The following TCF7L2 variants were observed in gnomAD, a reference collection of about 807,000 sequenced individuals.
The protein encoded by TCF7L2 is transcription factor 7-like 2.
TCF7L2 carries 23 observed loss-of-function variants against 77.9 expected under a neutral mutation model. That is an observed-to-expected ratio of 0.30 (90% CI 0.21 to 0.42). The LOEUF is 0.42. Ranked by LOEUF, TCF7L2 falls within the 10% of genes least tolerant of loss-of-function variation. The pLI, the probability that TCF7L2 is intolerant of heterozygous loss-of-function variation, is 1.00. For missense variants in TCF7L2, 654 were observed against 793.1 expected (o/e 0.82, Z 2.11); for synonymous variants, 413 against 340.2 (o/e 1.21, Z -2.36).
intron 4 of TCF7L2, among the ~76,000 whole-genome samples, chr10:112,967,457 C>T (rs1009244418): frequency 3.3e-5 from 5 of 152,020 alleles, no homozygotes; most frequent in African/African-American, 1.2e-4. Flanking sequence ...TTGGGTGATT[C>T]TATAGACACG....
chr10:112,951,180 C>T (rs2030996087), intron 1 of TCF7L2, 27 bp from the exon 2 acceptor site: 2 of 1,572,852 alleles, frequency 1.3e-6, no homozygotes, highest in South Asian at 1.2e-5. Context: ...TGCCCCTCGC[C>T]CTCCCCACCT....
chr10:113,154,399 G>GA (rs2071411838), intron 11 of TCF7L2, among the ~76,000 whole-genome samples: 1 of 152,150 alleles, frequency 6.6e-6, no homozygotes, highest in Non-Finnish European at 1.5e-5. Context: ...TGATACCACA[G>GA]AGCGGAATTC....
At chr10:113,049,027 C>T (rs557067413) in intron 5 of TCF7L2, among the ~76,000 whole-genome samples, 1 of 152,002 alleles carries the variant, frequency 6.6e-6, no homozygotes, top group Admixed American at 6.5e-5. Flanking sequence ...GAAACTAAGG[C>T]GTGAGGGACT....
chr10:113,083,368 T>A (rs1275169636), intron 5 of TCF7L2, among the ~76,000 whole-genome samples: 1 of 150,030 alleles, frequency 6.7e-6, no homozygotes, highest in African/African-American at 2.5e-5. Context: ...TAAAAAAAAA[T>A]AATAATGAGA....
chr10:113,042,546 T>C (rs1590901120), intron 5 of TCF7L2, among the ~76,000 whole-genome samples: 2 of 152,194 alleles, frequency 1.3e-5, no homozygotes, highest in South Asian at 4.1e-4. Context: ...ATGGTGACTT[T>C]GGTTCTATGA....
At chr10:113,124,006 T>A (rs1406003623) in intron 5 of TCF7L2, among the ~76,000 whole-genome samples, 3 of 152,184 alleles carry the variant, frequency 2.0e-5, no homozygotes, top group South Asian at 2.1e-4. Flanking sequence ...TTGAGATTTT[T>A]CTTTGTTTTC....
intron 4 of TCF7L2, among the ~76,000 whole-genome samples, chr10:113,026,197 C>G (rs1238321137): frequency 7.0e-6 from 1 of 141,952 alleles, no homozygotes; most frequent in African/African-American, 2.6e-5. Flanking sequence ...GTCGCCCAGG[C>G]TGGAGTGCAA....
intron 4 of TCF7L2, among the ~76,000 whole-genome samples, chr10:113,035,001 C>A (rs571441954): frequency 6.6e-6 from 1 of 151,098 alleles, no homozygotes; most frequent in East Asian, 2.0e-4. Context: ...CCCTTTCCAT[C>A]TCTTTCCTTC....
intron 5 of TCF7L2, chr10:113,126,850 G>A (rs2065710235): frequency 1.0e-6 from 1 of 987,388 alleles, no homozygotes; most frequent in Non-Finnish European, 1.2e-6. Context: ...AGCCGGCAGC[G>A]GGAAGGACAG....
At chr10:113,112,043 T>G (rs1307265836) in intron 5 of TCF7L2, among the ~76,000 whole-genome samples, 2 of 152,214 alleles carry the variant, frequency 1.3e-5, no homozygotes, top group African/African-American at 4.8e-5. Flanking sequence ...GAAACCAGTT[T>G]CACAGTCTGC....
chr10:113,058,908 T>C (rs1438025247), intron 5 of TCF7L2, among the ~76,000 whole-genome samples: 2 of 152,208 alleles, frequency 1.3e-5, no homozygotes, highest in South Asian at 2.1e-4. Context: ...ATTTAGTTAA[T>C]GCCCGCTCTG....
intron 5 of TCF7L2, chr10:113,126,843 C>A: frequency 1.0e-6 from 1 of 987,150 alleles, no homozygotes; most frequent in Non-Finnish European, 1.2e-6. Context: ...GCCCGCGAGC[C>A]GGCAGCGGGA....
intron 4 of TCF7L2, among the ~76,000 whole-genome samples, chr10:112,967,263 C>G (rs887202275): frequency 6.6e-6 from 1 of 152,154 alleles, no homozygotes; most frequent in East Asian, 1.9e-4. Flanking sequence ...AACTGTTCAA[C>G]CTTAATAAAT....
intron 4 of TCF7L2, among the ~76,000 whole-genome samples, chr10:113,004,247 A>G (rs1175635763): frequency 1.3e-5 from 2 of 152,162 alleles, no homozygotes; most frequent in East Asian, 1.9e-4. Flanking sequence ...AGAAAGCCCA[A>G]AGAGTCTTGG....
intron 4 of TCF7L2, among the ~76,000 whole-genome samples, chr10:112,981,301 C>A (rs1419875012): frequency 1.9e-5 from 2 of 106,020 alleles, no homozygotes; most frequent in Non-Finnish European, 3.8e-5. Flanking sequence ...TGGAAGAGAC[C>A]CGTCCTCAAA....
In TCF7L2 at chr10:113,165,681, C is replaced by G. The variant is rs372584799; in HGVS notation, c.1518C>G (p.Asp506Glu). The G allele has an allele frequency of 6.2e-7, 1 of 1,610,570 alleles. No homozygotes were observed. Among genetic ancestry groups the G allele is most frequent in the South Asian group, 1.1e-5 (1 of 90,558 alleles). ...ACCTGCTAGGCTCCCCTCCCCGAGA[C>G]GCCAAGTCACAGACTGAGCAGACCC... The change falls in exon 14 of 14, where the codon GAC becomes GAG. Residue 506 changes from aspartate (D) to glutamate (E), a missense_variant. Asp to Glu is a conservative substitution (Grantham distance 45). Around this residue, in one of 6 missense-constraint regions of TCF7L2, gnomAD observed 272 missense variants for 215.4 expected, o/e 1.26. Transcript: ENST00000627217.
At chr10:112,951,629 C>CCCCGCCCGCTGCCCG (rs2031324419) in intron 3 of TCF7L2, 22 bp downstream of exon 3, 9 of 1,145,078 alleles carry the variant, frequency 7.9e-6, no homozygotes, top group Non-Finnish European at 8.7e-6. Context: ...CGCGCCCGGC[C>CCCCGCCCGCTGCCCG]CCCGCCCGCT....
At chr10:112,987,008 A>G (rs1435455989) in intron 4 of TCF7L2, among the ~76,000 whole-genome samples, 1 of 152,204 alleles carries the variant, frequency 6.6e-6, no homozygotes, top group African/African-American at 2.4e-5. Context: ...TGTCATTTGC[A>G]AGGCTTAAGC....
chr10:113,145,958 T>TGGGGG, intron 7 of TCF7L2, 53 bp from the exon 8 acceptor site: 3 of 1,350,216 alleles, frequency 2.2e-6, no homozygotes, highest in Non-Finnish European at 2.1e-6. Context: ...CTTTTTCTTG[T>TGGGGG]CCCCACCCCC....
Sources: gnomAD v4.1 joint callset for allele counts (sites outside exome capture counted in the v4.1 genomes callset) on GRCh38, gnomAD v4.1.1 for gene constraint, gnomAD v4.1.1 regional missense constraint, MANE v1.5 for transcripts, NCBI Gene and HGNC (gene_info 2026-07-23, HGNC 2026-07-21) for gene names.